Variants in SKIC8 observed in about 807,000 individuals in gnomAD.
SKIC8 encodes the protein SKI8 subunit of superkiller complex, also known as superkiller complex protein 8.
At chr15:78,297,871 A>C in the SKIC8 span, among the ~76,000 whole-genome samples, 1 of 152,204 alleles carries the variant, frequency 6.6e-6, no homozygotes, top group African/African-American at 2.4e-5. Flanking sequence ...CAAACAAACA[A>C]ACAATTTATA....
At chr15:78,289,871 A>T in the SKIC8 span, 1 of 1,573,332 alleles carries the variant, frequency 6.4e-7, no homozygotes, top group Non-Finnish European at 8.6e-7. Context: ...ACCAAGACAG[A>T]ATCTGTGGCA....
chr15:78,297,331 C>T, the SKIC8 span, among the ~76,000 whole-genome samples: 6 of 152,088 alleles, frequency 3.9e-5, no homozygotes, highest in South Asian at 2.1e-4. Context: ...AAATTTTTCA[C>T]GTGAAAAAAT....
chr15:78,289,855 G>T, the SKIC8 span: 1 of 1,556,946 alleles, frequency 6.4e-7, no homozygotes, highest in Non-Finnish European at 8.8e-7. Context: ...GCAGCTGCCT[G>T]ACCAGACCAA....
chr15:78,285,996 C>A, the SKIC8 span: 1 of 1,538,848 alleles, frequency 6.5e-7, no homozygotes, highest in Non-Finnish European at 8.9e-7. Flanking sequence ...GAAGACTGCT[C>A]TCATCTCCCC....
the SKIC8 span, among the ~76,000 whole-genome samples, chr15:78,298,855 T>C: frequency 6.6e-6 from 1 of 152,180 alleles, no homozygotes; most frequent in Non-Finnish European, 1.5e-5. Context: ...AAAGGGAGGC[T>C]TAGAAGCGGT....
chr15:78,292,999 G>C, the SKIC8 span: 3 of 804,584 alleles, frequency 3.7e-6, no homozygotes, highest in Non-Finnish European at 5.8e-6. Flanking sequence ...CTTTAATACA[G>C]AGTAACAGGA....
chr15:78,288,653 A>G, the SKIC8 span, among the ~76,000 whole-genome samples: 13 of 152,138 alleles, frequency 8.5e-5, no homozygotes, highest in South Asian at 2.7e-3. Flanking sequence ...TACTACAAAT[A>G]TGGCCACACA....
At chr15:78,292,928 C>T in the SKIC8 span, 3 of 1,080,834 alleles carry the variant, frequency 2.8e-6, no homozygotes, top group Non-Finnish European at 3.9e-6. Flanking sequence ...AGCTACAGAA[C>T]ACCAAATGCT....
the SKIC8 span, chr15:78,292,056 C>CA: frequency 0.15 from 23,721 of 153,350 alleles, 2,324 homozygotes; most frequent in Non-Finnish European, 0.21. Context: ...GTACTTAAAA[C>CA]AAAAAAAATT....
the SKIC8 span, among the ~76,000 whole-genome samples, chr15:78,293,973 A>G: frequency 6.6e-6 from 1 of 152,204 alleles, no homozygotes; most frequent in Non-Finnish European, 1.5e-5. Flanking sequence ...TAAAAACGTG[A>G]CAAGTGCACA....
the SKIC8 span, chr15:78,288,479 A>C: frequency 8.3e-7 from 1 of 1,202,090 alleles, no homozygotes; most frequent in Non-Finnish European, 1.2e-6. Flanking sequence ...TGAGCCACTG[A>C]GTTGAAATGC....
At chr15:78,297,372 G>C in the SKIC8 span, among the ~76,000 whole-genome samples, 3 of 152,174 alleles carry the variant, frequency 2.0e-5, no homozygotes, top group Non-Finnish European at 2.9e-5. Context: ...CAAAAGCATT[G>C]TAAGTATTAA....
chr15:78,293,488 G>A, the SKIC8 span: 16 of 493,228 alleles, frequency 3.2e-5, no homozygotes, highest in Non-Finnish European at 5.4e-5. Flanking sequence ...TTTACCAGGC[G>A]ACAAGGTAGT....
chr15:78,298,501 TGA>T, the SKIC8 span, among the ~76,000 whole-genome samples: 2 of 152,228 alleles, frequency 1.3e-5, no homozygotes, highest in Non-Finnish European at 2.9e-5. Context: ...TAAGATATTT[TGA>T]GAGAGACCAC....
the SKIC8 span, chr15:78,283,310 A>G: frequency 1.4e-6 from 1 of 699,358 alleles, no homozygotes. Context: ...TATTGTATCT[A>G]CAAAATTTAA....
chr15:78,289,467 A>G, the SKIC8 span: 3 of 642,210 alleles, frequency 4.7e-6, no homozygotes, highest in South Asian at 6.1e-5. Flanking sequence ...TAGTGACAAG[A>G]CTAAAACCTG....
chr15:78,299,356 C>G, the SKIC8 span: 2 of 152,740 alleles, frequency 1.3e-5, no homozygotes, highest in African/African-American at 4.8e-5. Flanking sequence ...ACGGGCCTCC[C>G]CCACTCCCCT....
the SKIC8 span, among the ~76,000 whole-genome samples, chr15:78,296,616 C>T: frequency 9.9e-5 from 15 of 151,800 alleles, no homozygotes; most frequent in African/African-American, 3.6e-4. Context: ...CCAAGTCTTG[C>T]TCCCACCTCA....
At chr15:78,291,730 G>C in the SKIC8 span, 2 of 152,208 alleles carry the variant, frequency 1.3e-5, no homozygotes, top group East Asian at 3.8e-4. Context: ...TAACTGGCGG[G>C]AGGCGAATCC....
Sources: gnomAD v4.1 joint callset for allele counts (sites outside exome capture counted in the v4.1 genomes callset) on GRCh38, gnomAD v4.1.1 for gene constraint, MANE v1.5 for transcripts, NCBI Gene and HGNC (gene_info 2026-07-23, HGNC 2026-07-21) for gene names.